The following ZFAT variants were observed in gnomAD, a reference collection of about 807,000 sequenced individuals.
The protein encoded by ZFAT is zinc finger and AT-hook domain containing, also known as zinc finger protein ZFAT.
Under a neutral mutation model 117.7 loss-of-function variants are expected in ZFAT, and 64 were observed. The ratio of observed to expected loss-of-function variants is 0.54; its 90% CI spans 0.44 to 0.67. ZFAT has a LOEUF of 0.67. Among genes scored for constraint, ZFAT ranks in the 30% least tolerant of loss-of-function variants. The pLI, the probability that ZFAT is intolerant of heterozygous loss-of-function variation, is 0.00. For synonymous variants in ZFAT, 679 were observed against 615.0 expected (o/e 1.10, Z -1.54); for missense variants, 1,433 against 1,584.5 (o/e 0.90, Z 1.62).
At chr8:134,490,143 T>C (rs556303531) in intron 15 of ZFAT, among the ~76,000 whole-genome samples, 1 of 152,208 alleles carries the variant, frequency 6.6e-6, no homozygotes, top group Non-Finnish European at 1.5e-5. Context: ...TGGAACAGCA[T>C]AGAAGTCTGT....
chr8:134,633,566 T>C (rs1830024174), intron 3 of ZFAT, among the ~76,000 whole-genome samples: 1 of 152,126 alleles, frequency 6.6e-6, no homozygotes, highest in South Asian at 2.1e-4. Context: ...TGTACAGCCT[T>C]TAAAAATGAC....
chr8:134,691,844 G>T (rs1054432420), intron 1 of ZFAT, among the ~76,000 whole-genome samples: 26 of 152,322 alleles, frequency 1.7e-4, no homozygotes, highest in South Asian at 4.1e-4. Context: ...CCATGTTAAA[G>T]CTATAAAAGA....
intron 1 of ZFAT, among the ~76,000 whole-genome samples, chr8:134,701,884 A>G (rs1296735718): frequency 6.6e-6 from 1 of 152,208 alleles, no homozygotes; most frequent in African/African-American, 2.4e-5. Context: ...ACATGTTGAA[A>G]CTTAATCCCC....
intron 3 of ZFAT, among the ~76,000 whole-genome samples, chr8:134,621,537 A>G (rs372489217): frequency 1.3e-5 from 2 of 152,190 alleles, no homozygotes; most frequent in African/African-American, 4.8e-5. Flanking sequence ...CAAGGCCCTT[A>G]GCTGAAGTCC....
chr8:134,641,242 C>T (rs1830561384), intron 2 of ZFAT, among the ~76,000 whole-genome samples: 2 of 152,162 alleles, frequency 1.3e-5, no homozygotes, highest in Admixed American at 1.3e-4. Context: ...CAGACACACA[C>T]ACCTGCACAC....
At chr8:134,726,228 G>A in the ZFAT span, among the ~76,000 whole-genome samples, 1 of 152,086 alleles carries the variant, frequency 6.6e-6, no homozygotes, top group Non-Finnish European at 1.5e-5. Context: ...TTGGAAGAGG[G>A]CCAAGCGGGC....
chr8:134,495,367 G>T (rs1463903143), intron 15 of ZFAT, among the ~76,000 whole-genome samples: 2 of 152,052 alleles, frequency 1.3e-5, no homozygotes, highest in African/African-American at 2.4e-5. Flanking sequence ...CATTCATGGG[G>T]CTCCACTCAC....
chr8:134,826,069 T>C, the ZFAT span, among the ~76,000 whole-genome samples: 1 of 151,808 alleles, frequency 6.6e-6, no homozygotes, highest in Non-Finnish European at 1.5e-5. Flanking sequence ...TAACAATATG[T>C]CATTACAAGC....
chr8:134,629,067 C>G (rs768962123), intron 3 of ZFAT, among the ~76,000 whole-genome samples: 5 of 152,052 alleles, frequency 3.3e-5, no homozygotes, highest in Admixed American at 6.6e-5. Flanking sequence ...GATGGACCCA[C>G]GAGGACAACA....
intron 7 of ZFAT, among the ~76,000 whole-genome samples, chr8:134,597,055 T>C (rs961264260): frequency 1.6e-4 from 25 of 152,096 alleles, no homozygotes; most frequent in Non-Finnish European, 3.2e-4. Flanking sequence ...GTAAAATATA[T>C]CTTGATAAAG....
chr8:134,483,075 C>A (rs1489533741), intron 15 of ZFAT, among the ~76,000 whole-genome samples: 2 of 152,170 alleles, frequency 1.3e-5, no homozygotes, highest in Non-Finnish European at 2.9e-5. Flanking sequence ...GCAGAGTGCA[C>A]CCCCTTTGTG....
chr8:134,532,493 G>T (rs1821490107), intron 12 of ZFAT, among the ~76,000 whole-genome samples: 1 of 152,224 alleles, frequency 6.6e-6, no homozygotes, highest in African/African-American at 2.4e-5. Flanking sequence ...AGTAAAGAAA[G>T]ACAACCGAAC....
the ZFAT span, among the ~76,000 whole-genome samples, chr8:134,760,703 T>C: frequency 1.3e-5 from 2 of 152,222 alleles, no homozygotes; most frequent in African/African-American, 4.8e-5. Context: ...TTAACAAACA[T>C]TTATTGAGAT....
At chr8:134,496,496 A>T (rs1818446083) in intron 15 of ZFAT, among the ~76,000 whole-genome samples, 1 of 152,198 alleles carries the variant, frequency 6.6e-6, no homozygotes, top group Non-Finnish European at 1.5e-5. Flanking sequence ...TAGGGTATGC[A>T]CTGCCAGCCT....
At chr8:134,564,993 C>A in intron 11 of ZFAT, 1 of 1,266,644 alleles carries the variant, frequency 7.9e-7, no homozygotes, top group Admixed American at 2.5e-5. Context: ...TCACCTGCAG[C>A]AATCCAGGAT....
chr8:134,694,911 A>T (rs551413375), intron 1 of ZFAT, among the ~76,000 whole-genome samples: 3 of 152,350 alleles, frequency 2.0e-5, no homozygotes, highest in African/African-American at 7.2e-5. Context: ...GCCTCATTAT[A>T]TATCTAAGGT....
chr8:134,591,865 C>A (rs1036270452), intron 7 of ZFAT, among the ~76,000 whole-genome samples: 1 of 152,194 alleles, frequency 6.6e-6, no homozygotes, highest in Non-Finnish European at 1.5e-5. Context: ...GCCCTGCCAA[C>A]ACCTTGACCT....
upstream of ZFAT, among the ~76,000 whole-genome samples, chr8:134,717,553 G>A (rs1814226345): frequency 1.6e-5 from 2 of 126,220 alleles, 1 homozygote; most frequent in South Asian, 5.2e-4. Context: ...GTGCCATCTC[G>A]GCTCACTGCA....
At chr8:134,640,451 T>C (rs996295472) in intron 2 of ZFAT, among the ~76,000 whole-genome samples, 5 of 152,184 alleles carry the variant, frequency 3.3e-5, no homozygotes, top group African/African-American at 4.8e-5. Flanking sequence ...CCACAGTGTT[T>C]GCACTTGCTG....
Sources: gnomAD v4.1 joint callset for allele counts (sites outside exome capture counted in the v4.1 genomes callset) on GRCh38, gnomAD v4.1.1 for gene constraint, MANE v1.5 for transcripts, NCBI Gene and HGNC (gene_info 2026-07-23, HGNC 2026-07-21) for gene names.